Variants in CTNNA3 observed in about 807,000 individuals in gnomAD.
CTNNA3 encodes the protein catenin alpha 3.
In CTNNA3, 76 loss-of-function variants were observed where a neutral mutation model predicts 95.7. That is an observed-to-expected ratio of 0.79 (90% CI 0.66 to 0.96). The LOEUF (loss-of-function observed/expected upper bound fraction) is 0.96. Among genes scored for constraint, CTNNA3 ranks in the 40% least tolerant of loss-of-function variants. The pLI is 0.00. For missense variants in CTNNA3, 1,191 were observed against 1,089.8 expected, an observed-to-expected ratio of 1.09 and a Z score of -1.31; for synonymous variants, 431 against 374.4, an observed-to-expected ratio of 1.15 and a Z score of -1.74.
At chr10:66,744,217 A>T (rs1849427296) in intron 9 of CTNNA3, among the ~76,000 whole-genome samples, 1 of 152,146 alleles carries the variant, frequency 6.6e-6, no homozygotes, top group East Asian at 1.9e-4. Context: ...CCAAGAACTG[A>T]TATGATCAAT....
chr10:65,913,866 G>A lies in CTNNA3; in HGVS notation c.*6464C>T, dbSNP rs1037449246. 33 of 152,006 alleles carry A rather than the reference G, an allele frequency of 2.2e-4. No homozygotes were observed. Among genetic ancestry groups the A allele is most frequent in the Admixed American group, 2.2e-3 (33 of 15,256 alleles). 9.4% of individuals were successfully genotyped at this position (152,006 alleles called of 1,614,324 possible). The stretch of plus-strand genomic sequence containing the variant: ...GAGGTTCAGGTAATTTACACAGATG[G>A]GGAACTGATGTGACATACCTAAGGT... On this transcript the variant is annotated 3_prime_UTR_variant, in exon 18 of 18. Coordinates refer to ENST00000433211, the MANE Select transcript of CTNNA3 (RefSeq NM_013266.4).
chr10:66,871,493 C>T (rs1377930923), intron 7 of CTNNA3, among the ~76,000 whole-genome samples: 1 of 135,284 alleles, frequency 7.4e-6, no homozygotes, highest in Non-Finnish European at 1.5e-5. Context: ...ACCTGGGAGG[C>T]GGAGGTTGCG....
intron 13 of CTNNA3, among the ~76,000 whole-genome samples, chr10:66,218,566 A>G (rs2088704885): frequency 6.6e-6 from 1 of 152,176 alleles, no homozygotes; most frequent in African/African-American, 2.4e-5. Flanking sequence ...CAGAGACTAC[A>G]ACTCTAGCAA....
intron 9 of CTNNA3, among the ~76,000 whole-genome samples, chr10:66,716,627 T>A (rs908702553): frequency 1.3e-5 from 2 of 152,144 alleles, no homozygotes; most frequent in African/African-American, 4.8e-5. Context: ...GCATTTATGT[T>A]TGTGTTTTTG....
At chr10:67,148,317 T>C (rs766868829) in intron 7 of CTNNA3, among the ~76,000 whole-genome samples, 1 of 152,184 alleles carries the variant, frequency 6.6e-6, no homozygotes, top group East Asian at 1.9e-4. Context: ...AGCAACCTCC[T>C]TGAGGTCCTC....
At chr10:66,939,515 T>A (rs1847888192) in intron 7 of CTNNA3, among the ~76,000 whole-genome samples, 1 of 152,206 alleles carries the variant, frequency 6.6e-6, no homozygotes, top group Non-Finnish European at 1.5e-5. Flanking sequence ...TCAACTCTTT[T>A]GTTTGGGCCT....
At chr10:67,754,760 C>T (rs147265862) in intron 1 of CTNNA3, among the ~76,000 whole-genome samples, 472 of 152,054 alleles carry the variant, frequency 3.1e-3, no homozygotes, top group African/African-American at 9.7e-3. Context: ...ACCCATAGAA[C>T]GGGGGAAAAG....
intron 1 of CTNNA3, among the ~76,000 whole-genome samples, chr10:67,651,399 T>A (rs961453345): frequency 6.6e-6 from 1 of 152,158 alleles, no homozygotes; most frequent in African/African-American, 2.4e-5. Flanking sequence ...TCCTGTAGAA[T>A]ATGGACTTTT....
chr10:66,716,678 G>A (rs1441424002), intron 9 of CTNNA3, among the ~76,000 whole-genome samples: 1 of 152,152 alleles, frequency 6.6e-6, no homozygotes, highest in Non-Finnish European at 1.5e-5. Flanking sequence ...CCAGGACAAA[G>A]ACCTTTCTTT....
chr10:67,597,191 G>C (rs1486068832), intron 3 of CTNNA3, among the ~76,000 whole-genome samples: 3 of 152,096 alleles, frequency 2.0e-5, no homozygotes, highest in African/African-American at 4.8e-5. Context: ...AGATTCCTTG[G>C]ATTGGGTTTC....
chr10:67,747,366 A>C (rs1841379871), intron 1 of CTNNA3, among the ~76,000 whole-genome samples: 1 of 152,164 alleles, frequency 6.6e-6, no homozygotes, highest in African/African-American at 2.4e-5. Context: ...TCCTCTTGGC[A>C]TCATGTCAGT....
In CTNNA3 at chr10:66,372,779, C is replaced by T. The variant is rs550923704; in HGVS notation, c.1732+6373G>A. Among the ~76,000 whole-genome samples the T allele has an allele frequency of 3.2e-4, 48 of 152,152 alleles. 1 individual carries two copies. In the South Asian group the frequency reaches 9.8e-3, roughly 31 times the overall value. On this transcript the variant is annotated intron_variant, in intron 12 of 17. Coordinates refer to ENST00000433211, the MANE Select transcript of CTNNA3 (RefSeq NM_013266.4). ...AGAATGAGTGCCCGAAAGGGAAATG[C>T]CAGATGCTTATAAAACCATCAGATT...
chr10:67,504,884 T>C (rs1839385425), intron 5 of CTNNA3, among the ~76,000 whole-genome samples: 1 of 152,242 alleles, frequency 6.6e-6, no homozygotes, highest in South Asian at 2.1e-4. Flanking sequence ...ACGCTTAATT[T>C]ATTTGCTTCT....
intron 13 of CTNNA3, among the ~76,000 whole-genome samples, chr10:66,207,856 G>A (rs2087862862): frequency 6.6e-6 from 1 of 151,956 alleles, no homozygotes; most frequent in South Asian, 2.1e-4. Context: ...TGCTTTTAAA[G>A]TAATTTTCTA....
At chr10:66,795,051 A>AGGTTG (rs1452957016) in intron 7 of CTNNA3, among the ~76,000 whole-genome samples, 1 of 152,148 alleles carries the variant, frequency 6.6e-6, no homozygotes, top group Non-Finnish European at 1.5e-5. Flanking sequence ...GAAGCCCTTG[A>AGGTTG]ACTCATCCAT....
intron 14 of CTNNA3, among the ~76,000 whole-genome samples, chr10:66,070,575 C>G (rs558300662): frequency 6.6e-6 from 1 of 152,082 alleles, no homozygotes; most frequent in African/African-American, 2.4e-5. Flanking sequence ...TGAATATACA[C>G]TGGTATATTA....
rs569654058 is a variant in CTNNA3 at position 66,352,719 on chromosome 10, G to A, written c.1732+26433C>T. 3.3e-5 allele frequency among the ~76,000 whole-genome samples: 5 copies of A among 152,120 alleles called. No homozygotes were observed. The South Asian group carries it at 1.0e-3, about 32-fold the overall frequency. ...TTAACTGTGAACATAGGGATGAAAT[G>A]AAAAGAGAGAAGCAAATCACGTAAA... is the stretch of plus-strand genomic sequence containing the variant. On this transcript the variant is annotated intron_variant, in intron 12 of 17. Coordinates refer to ENST00000433211, the MANE Select transcript of CTNNA3 (RefSeq NM_013266.4).
chr10:66,144,569 C>T (rs1219734356), intron 13 of CTNNA3, among the ~76,000 whole-genome samples: 1 of 151,888 alleles, frequency 6.6e-6, no homozygotes, highest in Non-Finnish European at 1.5e-5. Flanking sequence ...CTCACTGCAA[C>T]CTCTGCTTCC....
intron 7 of CTNNA3, among the ~76,000 whole-genome samples, chr10:67,072,642 T>C (rs1564871952): frequency 6.6e-6 from 1 of 152,178 alleles, no homozygotes; most frequent in Non-Finnish European, 1.5e-5. Flanking sequence ...TATCTATACT[T>C]GTAAGCCATG....
Sources: gnomAD v4.1 joint callset for allele counts (sites outside exome capture counted in the v4.1 genomes callset) on GRCh38, gnomAD v4.1.1 for gene constraint, MANE v1.5 for transcripts, NCBI Gene and HGNC (gene_info 2026-07-23, HGNC 2026-07-21) for gene names.